Variants in ANK3 observed in about 807,000 individuals in gnomAD.
ANK3 encodes ankyrin 3, also known as ankyrin-3.
ANK3 carries 57 observed loss-of-function variants against 370.9 expected under a neutral mutation model. That is an observed-to-expected ratio of 0.15 (90% confidence interval 0.12 to 0.19). The LOEUF is 0.19. Among genes scored for constraint, ANK3 ranks in the 10% least tolerant of loss-of-function variants. The probability of loss-of-function intolerance (pLI) is 1.00; values close to 1 mark genes in which losing one functional copy is unlikely to be tolerated. For missense variants in ANK3, 4,439 were observed against 5,302.1 expected (o/e 0.84, Z 5.06); for synonymous variants, 1,929 against 1,946.3 (o/e 0.99, Z 0.23).
intron 1 of ANK3, among the ~76,000 whole-genome samples, chr10:60,642,750 C>T (rs2078653765): frequency 6.6e-6 from 1 of 151,908 alleles, no homozygotes. Flanking sequence ...GCACATTGTG[C>T]ACATGTACCC....
intron 2 of ANK3, among the ~76,000 whole-genome samples, chr10:60,614,617 G>A (rs1170384664): frequency 6.6e-6 from 1 of 152,166 alleles, no homozygotes; most frequent in East Asian, 1.9e-4. Flanking sequence ...ATAGGGGAAA[G>A]GTAGCCTGCA....
At chr10:60,085,631 T>C in intron 30 of ANK3, among the ~76,000 whole-genome samples, 1 of 142,476 alleles carries the variant, frequency 7.0e-6, no homozygotes, top group Admixed American at 6.8e-5. Context: ...TTTTTTTTTT[T>C]TGAGACGGAG....
intron 28 of ANK3, among the ~76,000 whole-genome samples, chr10:60,104,822 G>C (rs2091942863): frequency 6.6e-6 from 1 of 152,070 alleles, no homozygotes; most frequent in African/African-American, 2.4e-5. Flanking sequence ...ATGTAACAAG[G>C]ACTGTATTTC....
At chr10:60,696,212 A>T (rs2133410652) in intron 1 of ANK3, among the ~76,000 whole-genome samples, 1 of 150,388 alleles carries the variant, frequency 6.6e-6, no homozygotes, top group South Asian at 2.2e-4. Flanking sequence ...GAAGAAGTTG[A>T]ATCTCTGAAT....
intron 23 of ANK3, among the ~76,000 whole-genome samples, chr10:60,143,919 A>T (rs991657617): frequency 3.9e-5 from 6 of 152,220 alleles, no homozygotes; most frequent in Admixed American, 3.3e-4. Flanking sequence ...AGGTAGCCAT[A>T]TGGAGAGGCT....
chr10:60,301,958 G>T (rs2043910976), intron 1 of ANK3, among the ~76,000 whole-genome samples: 1 of 152,052 alleles, frequency 6.6e-6, no homozygotes, highest in Admixed American at 6.6e-5. Flanking sequence ...ACCATGGTAG[G>T]CTCAATTAAG....
chr10:60,445,565 C>T (rs554120393), intron 2 of ANK3, among the ~76,000 whole-genome samples: 7 of 151,056 alleles, frequency 4.6e-5, no homozygotes, highest in African/African-American at 7.3e-5. Flanking sequence ...AAAAAAGGAG[C>T]GCTGAAATTC....
chr10:60,332,708 C>T (rs543101912), intron 1 of ANK3, among the ~76,000 whole-genome samples: 67 of 152,160 alleles, frequency 4.4e-4, no homozygotes, highest in African/African-American at 1.5e-3. Flanking sequence ...ATAAGAGCAC[C>T]CTATTCTAAT....
intron 2 of ANK3, among the ~76,000 whole-genome samples, chr10:60,554,841 G>A (rs2077172182): frequency 6.6e-6 from 1 of 152,126 alleles, no homozygotes; most frequent in African/African-American, 2.4e-5. Context: ...CTATACAAAA[G>A]TTACATTACA....
chr10:60,369,979 T>C (rs1272044920), intron 1 of ANK3, among the ~76,000 whole-genome samples: 1 of 152,194 alleles, frequency 6.6e-6, no homozygotes, highest in East Asian at 1.9e-4. Context: ...TTTGAGATTT[T>C]AATATTAAGG....
chr10:60,628,646 T>C (rs2078442000), intron 1 of ANK3, among the ~76,000 whole-genome samples: 1 of 152,206 alleles, frequency 6.6e-6, no homozygotes, highest in African/African-American at 2.4e-5. Flanking sequence ...ACATCATGTA[T>C]TGCCACAATT....
intron 1 of ANK3, among the ~76,000 whole-genome samples, chr10:60,348,956 G>A (rs2056300422): frequency 6.6e-6 from 1 of 152,146 alleles, no homozygotes; most frequent in South Asian, 2.1e-4. Flanking sequence ...AAAGCAATGT[G>A]TACATCTCTC....
chr10:60,711,802 T>C (rs2079712584), intron 1 of ANK3, among the ~76,000 whole-genome samples: 1 of 152,068 alleles, frequency 6.6e-6, no homozygotes, highest in South Asian at 2.1e-4. Flanking sequence ...AAATCAAAGA[T>C]AAACAGAAAA....
intron 1 of ANK3, among the ~76,000 whole-genome samples, chr10:60,386,088 C>G (rs1042033352): frequency 5.9e-5 from 9 of 152,206 alleles, no homozygotes; most frequent in Admixed American, 1.3e-4. Context: ...CCAACCACTG[C>G]TCATGGACCA....
chr10:60,275,504 A>G (rs2098075966), intron 4 of ANK3, among the ~76,000 whole-genome samples: 1 of 152,176 alleles, frequency 6.6e-6, no homozygotes, highest in Non-Finnish European at 1.5e-5. Context: ...TTTAACTAAG[A>G]TGTTAAGGGT....
chr10:60,598,808 T>C (rs1046891094), intron 2 of ANK3, among the ~76,000 whole-genome samples: 2 of 152,188 alleles, frequency 1.3e-5, no homozygotes, highest in African/African-American at 4.8e-5. Context: ...GAAATATTAT[T>C]ACTAAAATGA....
At chr10:60,315,675 T>C (rs1254171901) in intron 1 of ANK3, among the ~76,000 whole-genome samples, 2 of 152,166 alleles carry the variant, frequency 1.3e-5, no homozygotes, top group Non-Finnish European at 2.9e-5. Context: ...TTAGCTTCAC[T>C]TGTTTAATTT....
At chr10:60,275,800 A>C (rs1367906051) in intron 4 of ANK3, among the ~76,000 whole-genome samples, 1 of 152,192 alleles carries the variant, frequency 6.6e-6, no homozygotes, top group Non-Finnish European at 1.5e-5. Flanking sequence ...ATTATTGGAA[A>C]CAGACTTTGC....
intron 1 of ANK3, among the ~76,000 whole-genome samples, chr10:60,296,962 G>A (rs1252186759): frequency 1.3e-5 from 2 of 152,082 alleles, no homozygotes; most frequent in South Asian, 2.1e-4. Flanking sequence ...CCTGGGCAAC[G>A]GAGTGAGACC....
Sources: gnomAD v4.1 joint callset for allele counts (sites outside exome capture counted in the v4.1 genomes callset) on GRCh38, gnomAD v4.1.1 for gene constraint, MANE v1.5 for transcripts, NCBI Gene and HGNC (gene_info 2026-07-23, HGNC 2026-07-21) for gene names.